TRDN: variants seen among roughly 807,000 people sequenced by gnomAD.
TRDN encodes the protein triadin in skeletal muscle.
TRDN carries 161 observed loss-of-function variants against 149.7 expected under a neutral mutation model. The ratio of observed to expected loss-of-function variants is 1.08; its 90% CI spans 0.95 to 1.23. The LOEUF (loss-of-function observed/expected upper bound fraction) is 1.23, where lower values mean the gene tolerates loss of function less well. TRDN is among the 50% of genes most tolerant of loss of function. TRDN has a pLI of 0.00. For synonymous variants in TRDN, 294 were observed against 250.5 expected (o/e 1.17, Z -1.64); for missense variants, 896 against 823.5 (o/e 1.09, Z -1.08).
At chr6:123,230,620 T>C (rs1775564425) in intron 38 of TRDN, among the ~76,000 whole-genome samples, 1 of 151,844 alleles carries the variant, frequency 6.6e-6, no homozygotes, top group South Asian at 2.1e-4. Context: ...AACACCCTTA[T>C]CATATATTTG....
chr6:123,589,630 T>C (rs930470395), intron 1 of TRDN, among the ~76,000 whole-genome samples: 5 of 152,220 alleles, frequency 3.3e-5, no homozygotes, highest in Admixed American at 3.3e-4. Flanking sequence ...CCTGCTGCTT[T>C]ACCCCACATG....
At chr6:123,511,233 T>G (rs1340934129) in intron 7 of TRDN, among the ~76,000 whole-genome samples, 1 of 152,152 alleles carries the variant, frequency 6.6e-6, no homozygotes, top group Non-Finnish European at 1.5e-5. Context: ...GAAGAGACTG[T>G]CCTTTCCTCA....
intron 23 of TRDN, among the ~76,000 whole-genome samples, chr6:123,326,470 T>C (rs1317547763): frequency 3.4e-5 from 4 of 117,446 alleles, no homozygotes; most frequent in Non-Finnish European, 1.8e-5. Context: ...TTTTGAAATG[T>C]ATTTCTACTT....
chr6:123,610,672 A>C (rs1011116916), intron 1 of TRDN, among the ~76,000 whole-genome samples: 3 of 152,206 alleles, frequency 2.0e-5, no homozygotes, highest in African/African-American at 7.2e-5. Flanking sequence ...AAACAGCGAC[A>C]GTTGGACTAT....
intron 1 of TRDN, among the ~76,000 whole-genome samples, chr6:123,623,933 C>A (rs1329355660): frequency 6.6e-6 from 1 of 152,030 alleles, no homozygotes; most frequent in Non-Finnish European, 1.5e-5. Flanking sequence ...TGACAAGAAA[C>A]CAAGAAACCT....
chr6:123,636,933 G>C lies in TRDN; in HGVS notation c.-158C>G, dbSNP rs1786356372. 5.1e-6 allele frequency: 4 copies of C among 782,718 alleles called. No individual in the cohort carries two copies. The highest frequency in any genetic ancestry group is 8.4e-6 in the Non-Finnish European group (4 of 475,170). The allele number at this position is 782,718 out of a possible 1,614,324, so 48.5% of individuals were successfully genotyped here. A position where few individuals can be genotyped will look rare whatever the true frequency, so the allele number is the denominator to read the frequency against. ...TCTGCTGCTTCTTTGTTGTCCTGTTGAACTTTGCCTCTCCTCTGCAGAGTT... is the reference window on the plus strand; with the variant it reads ...TCTGCTGCTTCTTTGTTGTCCTGTTCAACTTTGCCTCTCCTCTGCAGAGTT... On this transcript the variant is annotated 5_prime_UTR_variant, in exon 1 of 41. Coordinates refer to ENST00000334268, the MANE Select transcript of TRDN (RefSeq NM_006073.4).
chr6:123,238,100 T>C (rs1176159060), intron 38 of TRDN, among the ~76,000 whole-genome samples: 1 of 152,158 alleles, frequency 6.6e-6, no homozygotes, highest in African/African-American at 2.4e-5. Context: ...AAGTAAAAAC[T>C]GAGAATGTTT....
chr6:123,362,408 C>A (rs112899474), intron 20 of TRDN, among the ~76,000 whole-genome samples: 1 of 152,038 alleles, frequency 6.6e-6, no homozygotes, highest in East Asian at 1.9e-4. Context: ...GAATAAAGTC[C>A]AATTTTAAAA....
intron 1 of TRDN, among the ~76,000 whole-genome samples, chr6:123,616,954 GA>G (rs1398295677): frequency 1.3e-5 from 2 of 151,936 alleles, no homozygotes; most frequent in South Asian, 2.1e-4. Flanking sequence ...CTAGACAAAT[GA>G]AAAAATATTT....
chr6:123,325,354 G>T (rs953674498), intron 23 of TRDN, among the ~76,000 whole-genome samples: 2 of 151,888 alleles, frequency 1.3e-5, no homozygotes, highest in Non-Finnish European at 2.9e-5. Flanking sequence ...TAGGCACCAA[G>T]AAACTCAGAA....
chr6:123,589,495 A>T (rs1435681763), intron 1 of TRDN, among the ~76,000 whole-genome samples: 1 of 152,210 alleles, frequency 6.6e-6, no homozygotes, highest in African/African-American at 2.4e-5. Context: ...GGAAAAAAAT[A>T]CTAAGCTGAA....
intron 12 of TRDN, among the ~76,000 whole-genome samples, chr6:123,420,754 T>A (rs977227679): frequency 1.3e-5 from 2 of 152,184 alleles, no homozygotes; most frequent in African/African-American, 2.4e-5. Flanking sequence ...TGCTAGATAC[T>A]CAGTGTCGAA....
At chr6:123,568,888 C>T (rs143500453) in intron 2 of TRDN, among the ~76,000 whole-genome samples, 185 of 152,280 alleles carry the variant, frequency 1.2e-3, no homozygotes, top group East Asian at 7.7e-3. Context: ...TTTTTAGTTA[C>T]GCAAATTTCT....
intron 38 of TRDN, among the ~76,000 whole-genome samples, chr6:123,233,715 C>A (rs1775692138): frequency 6.6e-6 from 1 of 152,004 alleles, no homozygotes; most frequent in Admixed American, 6.6e-5. Flanking sequence ...ATTTTTTCTC[C>A]TAAAACAAAA....
rs558853297 is a variant in TRDN at position 123,504,336 on chromosome 6, T to G, written c.611-435A>C. On this transcript the variant is annotated intron_variant, in intron 7 of 40. Transcript: ENST00000334268. The stretch of plus-strand genomic sequence containing the variant: ...GCACATGATCATTTTGCTTGATAAC[T>G]GAAAGATCTTAAGGGTCATTCAAGA... Among the ~76,000 whole-genome samples, 3 of 152,262 alleles carry G rather than the reference T, an allele frequency of 2.0e-5. No homozygotes were observed. In the East Asian group the frequency reaches 5.8e-4, roughly 30 times the overall value.
At chr6:123,432,345 C>G (rs951100746) in intron 12 of TRDN, among the ~76,000 whole-genome samples, 1 of 151,804 alleles carries the variant, frequency 6.6e-6, no homozygotes, top group Non-Finnish European at 1.5e-5. Flanking sequence ...AAATGCATGC[C>G]TCTCTTTTAA....
intron 2 of TRDN, among the ~76,000 whole-genome samples, chr6:123,549,037 T>C (rs1304534536): frequency 6.6e-6 from 1 of 152,054 alleles, no homozygotes; most frequent in Non-Finnish European, 1.5e-5. Flanking sequence ...GCAAGTTGAC[T>C]AAGGTAGTTG....
chr6:123,529,177 G>T, intron 5 of TRDN: 2 of 1,544,704 alleles, frequency 1.3e-6, no homozygotes, highest in South Asian at 2.4e-5. Flanking sequence ...AAACAGCAGG[G>T]ACCCAAATGG....
At chr6:123,559,845 C>G (rs1371933365) in intron 2 of TRDN, among the ~76,000 whole-genome samples, 1 of 152,202 alleles carries the variant, frequency 6.6e-6, no homozygotes, top group Non-Finnish European at 1.5e-5. Flanking sequence ...CAATACCTCC[C>G]TCCACAATCC....
Sources: allele counts gnomAD v4.1 joint callset (sites outside exome capture counted in the v4.1 genomes callset), GRCh38; gene constraint gnomAD v4.1.1; transcripts MANE v1.5; gene names NCBI Gene and HGNC (gene_info 2026-07-23, HGNC 2026-07-21).